The following EYS variants were observed in gnomAD, a reference collection of about 807,000 sequenced individuals.
EYS encodes EGF-like photoreceptor maintenance factor, also known as protein eyes shut homolog.
Under a neutral mutation model 282.1 loss-of-function variants are expected in EYS, and 250 were observed. That is an observed-to-expected ratio of 0.89 (90% confidence interval 0.80 to 0.98). The LOEUF (loss-of-function observed/expected upper bound fraction) is 0.98, where lower values mean the gene tolerates loss of function less well. EYS is among the 50% of genes least tolerant of loss of function. EYS has a pLI of 0.00. For synonymous variants in EYS, 1,355 were observed against 1,282.9 expected, an observed-to-expected ratio of 1.06 and a Z score of -1.20; for missense variants, 4,016 against 3,709.0, an observed-to-expected ratio of 1.08 and a Z score of -2.15.
At chr6:64,852,652 C>G (rs536714192) in intron 19 of EYS, among the ~76,000 whole-genome samples, 1 of 152,090 alleles carries the variant, frequency 6.6e-6, no homozygotes, top group Non-Finnish European at 1.5e-5. Flanking sequence ...TAAGATCACT[C>G]ATAAGTCCAT....
chr6:64,478,452 A>C (rs1776341089), intron 26 of EYS, among the ~76,000 whole-genome samples: 1 of 151,496 alleles, frequency 6.6e-6, no homozygotes, highest in African/African-American at 2.4e-5. Context: ...TTCTATATTT[A>C]AAAGCTCTGC....
intron 35 of EYS, among the ~76,000 whole-genome samples, chr6:63,912,989 G>T (rs1424880890): frequency 6.6e-6 from 1 of 152,160 alleles, no homozygotes; most frequent in Non-Finnish European, 1.5e-5. Flanking sequence ...GAGGTTAGCA[G>T]ATACTGTGTT....
intron 22 of EYS, among the ~76,000 whole-genome samples, chr6:64,715,659 G>T (rs1018646721): frequency 6.6e-6 from 1 of 152,128 alleles, no homozygotes; most frequent in Non-Finnish European, 1.5e-5. Context: ...TGTACCAACT[G>T]GGAGAAAGAA....
intron 12 of EYS, among the ~76,000 whole-genome samples, chr6:65,098,644 T>G (rs1409224693): frequency 6.6e-6 from 1 of 150,928 alleles, no homozygotes; most frequent in South Asian, 2.1e-4. Flanking sequence ...GCCAAATACA[T>G]TTTTAGGATT....
rs1296130120 is a variant in EYS at position 63,721,770 on chromosome 6, TTTACTA to T, written c.8255_8260del (p.Leu2752_Asn2754delinsTyr). ...GTTGTAGCGAAGTTGAACGGAACTATTTACTAAAGAGATGCATAAAAAATCACCTGC... is the reference window on the plus strand; with the variant it reads ...GTTGTAGCGAAGTTGAACGGAACTATAAGAGATGCATAAAAAATCACCTGC... On this transcript the variant is annotated inframe_deletion, in exon 43 of 43. Coordinates refer to ENST00000503581, the MANE Select transcript of EYS (RefSeq NM_001142800.2). 9 of 1,549,068 alleles carry T rather than the reference TTTACTA, an allele frequency of 5.8e-6. No homozygotes were observed. Among genetic ancestry groups the T allele is most frequent in the South Asian group, 1.2e-5 (1 of 83,530 alleles).
intron 11 of EYS, among the ~76,000 whole-genome samples, chr6:65,333,911 G>A (rs1234462059): frequency 6.7e-6 from 1 of 148,428 alleles, no homozygotes; most frequent in Non-Finnish European, 1.5e-5. Context: ...CAGTTTGAAT[G>A]ATATTTTTTT....
At chr6:65,039,036 T>G (rs1561934937) in intron 13 of EYS, among the ~76,000 whole-genome samples, 1 of 151,494 alleles carries the variant, frequency 6.6e-6, no homozygotes, top group African/African-American at 2.4e-5. Context: ...TTAGTCTAAA[T>G]TATCATTTTT....
chr6:64,473,604 G>A (rs1562014460), intron 26 of EYS, among the ~76,000 whole-genome samples: 1 of 152,026 alleles, frequency 6.6e-6, no homozygotes, highest in Non-Finnish European at 1.5e-5. Flanking sequence ...AACAAAAACG[G>A]TAAATAAAAG....
intron 5 of EYS, among the ~76,000 whole-genome samples, chr6:65,438,288 G>A (rs1274331210): frequency 1.3e-5 from 2 of 151,934 alleles, no homozygotes; most frequent in Non-Finnish European, 2.9e-5. Flanking sequence ...CCAAGTCTTT[G>A]CTATTGTGAA....
chr6:64,051,743 G>T lies in EYS; in HGVS notation c.6725+14595C>A, dbSNP rs562733074. Among the ~76,000 whole-genome samples the T allele has an allele frequency of 2.6e-5, 4 of 152,210 alleles. No individual in the cohort carries two copies. In the East Asian group the frequency reaches 7.7e-4, roughly 29 times the overall value. On this transcript the variant is annotated intron_variant, in intron 33 of 42. Transcript: ENST00000503581. ...TGAAAAAGAGGAGTTATTTGATTTGGATTTCTTGATCCTTTCACAAAGAAA... is the reference window on the plus strand; with the variant it reads ...TGAAAAAGAGGAGTTATTTGATTTGTATTTCTTGATCCTTTCACAAAGAAA...
chr6:64,589,047 C>T (rs997532093), intron 26 of EYS, among the ~76,000 whole-genome samples: 3 of 152,070 alleles, frequency 2.0e-5, no homozygotes, highest in South Asian at 4.1e-4. Context: ...GTTTGAGAGA[C>T]GTTTTAACTC....
chr6:64,836,189 T>A (rs200141075), intron 19 of EYS, among the ~76,000 whole-genome samples: 2 of 13,582 alleles, frequency 1.5e-4, no homozygotes, highest in African/African-American at 3.1e-4. Context: ...ACATGTCATG[T>A]TTTTTTTCAT....
At chr6:64,301,853 A>G (rs1769249438) in intron 30 of EYS, among the ~76,000 whole-genome samples, 1 of 152,184 alleles carries the variant, frequency 6.6e-6, no homozygotes, top group Non-Finnish European at 1.5e-5. Flanking sequence ...GGTGGAGACC[A>G]CATAATTTCC....
chr6:64,039,566 T>G (rs1270871533), intron 33 of EYS, among the ~76,000 whole-genome samples: 29 of 152,130 alleles, frequency 1.9e-4, no homozygotes, highest in Admixed American at 1.9e-3. Context: ...GGTTTGAGAG[T>G]CTGGAATTTT....
chr6:65,606,148 A>C (rs1463491044), intron 2 of EYS, among the ~76,000 whole-genome samples: 1 of 151,674 alleles, frequency 6.6e-6, no homozygotes, highest in Non-Finnish European at 1.5e-5. Flanking sequence ...AACACAGAGA[A>C]TAAGAAATAT....
chr6:64,772,110 T>C (rs765540284), intron 22 of EYS, among the ~76,000 whole-genome samples: 138 of 151,766 alleles, frequency 9.1e-4, no homozygotes, highest in Non-Finnish European at 4.6e-4. Flanking sequence ...CAATTAATTT[T>C]ATAAAAATAT....
In EYS at chr6:63,953,424, C is replaced by T. The variant is rs146838959; in HGVS notation, c.7055+30959G>A. 7.4e-3 allele frequency among the ~76,000 whole-genome samples: 1,122 copies of T among 152,278 alleles called. 15 individuals are homozygous for T. The highest frequency in any genetic ancestry group is 0.024 in the African/African-American group (997 of 41,560). On this transcript the variant is annotated intron_variant, in intron 35 of 42. Transcript: ENST00000503581. Reference sequence around the variant, plus strand: ...CCAACATCTGTTCTCAGAAGGATATCGTGTATCCCCCTCCAAAGCCCAAAT... The same window carrying T: ...CCAACATCTGTTCTCAGAAGGATATTGTGTATCCCCCTCCAAAGCCCAAAT...
At chr6:64,530,154 C>T (rs1582858150) in intron 26 of EYS, among the ~76,000 whole-genome samples, 1 of 152,004 alleles carries the variant, frequency 6.6e-6, no homozygotes, top group Non-Finnish European at 1.5e-5. Flanking sequence ...AAAGTGGCTG[C>T]TTCAGTATAA....
At chr6:64,344,650 G>T (rs1771296244) in intron 29 of EYS, among the ~76,000 whole-genome samples, 1 of 152,148 alleles carries the variant, frequency 6.6e-6, no homozygotes, top group Non-Finnish European at 1.5e-5. Context: ...AGACGGGGAT[G>T]CCCTCTCTCA....
Sources: allele counts gnomAD v4.1 joint callset (sites outside exome capture counted in the v4.1 genomes callset), GRCh38; gene constraint gnomAD v4.1.1; transcripts MANE v1.5; gene names NCBI Gene and HGNC (gene_info 2026-07-23, HGNC 2026-07-21).